PTPRD: variants seen among roughly 807,000 people sequenced by gnomAD.
PTPRD encodes the protein protein tyrosine phosphatase receptor type D.
A neutral mutation model predicts 214.5 loss-of-function variants in PTPRD; 34 were observed. That is an observed-to-expected ratio of 0.16 (90% CI 0.12 to 0.21). The LOEUF (loss-of-function observed/expected upper bound fraction) is 0.21, where lower values mean the gene tolerates loss of function less well. Ranked by LOEUF, PTPRD falls within the 10% of genes least tolerant of loss-of-function variation. PTPRD has a pLI of 1.00. For synonymous variants in PTPRD, 1,128 were observed against 845.7 expected (o/e 1.33, Z -5.79); for missense variants, 2,545 against 2,398.7 (o/e 1.06, Z -1.27).
chr9:9,299,061 G>A (rs1367663734), intron 9 of PTPRD, among the ~76,000 whole-genome samples: 1 of 151,652 alleles, frequency 6.6e-6, no homozygotes, highest in Non-Finnish European at 1.5e-5. Flanking sequence ...TTATAATGTA[G>A]ATCCTGACTA....
chr9:10,303,427 A>T lies in PTPRD; in HGVS notation c.-545+37536T>A, dbSNP rs549197297. ...ACTAAGATCAGAGCAGAACTGAAGG[A>T]GATAGAAACACAAAAAAAAACCTTC... On this transcript the variant is annotated intron_variant, in intron 3 of 45. Coordinates refer to ENST00000381196, the MANE Select transcript of PTPRD (RefSeq NM_002839.4). Among the ~76,000 whole-genome samples, 5 of 144,006 alleles carry T rather than the reference A, an allele frequency of 3.5e-5. No homozygotes were observed. The South Asian group carries it at 1.1e-3, about 33-fold the overall frequency. The allele number at this position is 144,006 out of a possible 152,430, so 94.5% of individuals were successfully genotyped here.
chr9:9,107,084 A>G (rs1025509794), intron 10 of PTPRD, among the ~76,000 whole-genome samples: 5 of 152,156 alleles, frequency 3.3e-5, no homozygotes, highest in African/African-American at 1.2e-4. Flanking sequence ...GGATTAGCAT[A>G]ACAGATATAT....
chr9:8,430,126 C>T (rs2094943573), intron 35 of PTPRD, among the ~76,000 whole-genome samples: 1 of 152,082 alleles, frequency 6.6e-6, no homozygotes, highest in Non-Finnish European at 1.5e-5. Flanking sequence ...TAGAATGTAC[C>T]TGAAGTAGAG....
At chr9:9,429,545 A>G (rs1475261085) in intron 8 of PTPRD, among the ~76,000 whole-genome samples, 1 of 152,178 alleles carries the variant, frequency 6.6e-6, no homozygotes, top group Non-Finnish European at 1.5e-5. Flanking sequence ...TCCCTTACTC[A>G]TTTTATGAGG....
chr9:9,714,262 G>A (rs2097781850), intron 7 of PTPRD, among the ~76,000 whole-genome samples: 1 of 152,070 alleles, frequency 6.6e-6, no homozygotes, highest in African/African-American at 2.4e-5. Context: ...TCAGAGAAGG[G>A]TCATTAGGTT....
intron 9 of PTPRD, among the ~76,000 whole-genome samples, chr9:9,234,325 C>G (rs896708478): frequency 1.3e-5 from 2 of 152,160 alleles, no homozygotes; most frequent in African/African-American, 4.8e-5. Flanking sequence ...GCACCATGTC[C>G]TGAGGATGCA....
At position 8,499,811 on chromosome 9, in the gene PTPRD, C is replaced by T. The variant is rs372425454; in HGVS notation, c.2158G>A (p.Val720Ile). Reference sequence around the variant, plus strand: ...ACAGATGTTGAGTTGACAGCCTCTACCTCGACTTTGCGAGGAGGACCACTA... The same window carrying T: ...ACAGATGTTGAGTTGACAGCCTCTATCTCGACTTTGCGAGGAGGACCACTA... ...VPSGPPRKVE[V>I]EAVNSTSVKV... The change falls in exon 25 of 46, where the codon GTA becomes ATA. Residue 720 changes from valine to isoleucine, a missense_variant. Val to Ile is a conservative substitution (Grantham distance 29). Transcript: ENST00000381196. 46 of 1,612,640 alleles carry T rather than the reference C, an allele frequency of 2.9e-5. No homozygotes were observed. The Middle Eastern group carries it at 6.6e-4, about 23-fold the overall frequency.
rs74716133 is a variant in PTPRD at position 10,265,694 on chromosome 9, C to A, written c.-545+75269G>T. 3.5e-4 allele frequency among the ~76,000 whole-genome samples: 54 copies of A among 152,196 alleles called. 1 individual carries two copies. The East Asian group carries it at 0.01, about 29-fold the overall frequency. On this transcript the variant is annotated intron_variant, in intron 3 of 45. Coordinates refer to ENST00000381196, the MANE Select transcript of PTPRD (RefSeq NM_002839.4). The stretch of plus-strand genomic sequence containing the variant: ...ATAAAATGTCATTTACAAAAACAGG[C>A]AGCAAAAATAAATAAGGAAACAAAT...
chr9:9,013,727 G>C (rs1242824441), intron 11 of PTPRD, among the ~76,000 whole-genome samples: 5 of 152,118 alleles, frequency 3.3e-5, no homozygotes, highest in African/African-American at 1.2e-4. Context: ...TCAAAACTCA[G>C]GAAATGCTTA....
chr9:10,164,807 T>G (rs2382195), intron 3 of PTPRD, among the ~76,000 whole-genome samples: 21,768 of 151,286 alleles, frequency 0.14, 1,983 homozygotes, highest in Middle Eastern at 0.27. Flanking sequence ...TCCTGAAGGT[T>G]TAAAGGTTTT....
chr9:8,466,235 C>G (rs941116323), intron 31 of PTPRD, among the ~76,000 whole-genome samples: 6 of 151,876 alleles, frequency 4.0e-5, no homozygotes, highest in African/African-American at 1.4e-4. Flanking sequence ...CATTGTTACT[C>G]ATTTACCAAT....
At chr9:10,017,453 C>G (rs961668025) in intron 4 of PTPRD, among the ~76,000 whole-genome samples, 8 of 151,900 alleles carry the variant, frequency 5.3e-5, no homozygotes, top group African/African-American at 1.9e-4. Context: ...ATGTATTAAT[C>G]TTTTCCTTCA....
At chr9:9,461,870 G>C (rs2093689786) in intron 8 of PTPRD, among the ~76,000 whole-genome samples, 1 of 152,092 alleles carries the variant, frequency 6.6e-6, no homozygotes, top group African/African-American at 2.4e-5. Flanking sequence ...GATGACTTCT[G>C]ATCCTTCAGG....
intron 2 of PTPRD, among the ~76,000 whole-genome samples, chr9:10,466,416 G>C (rs1427049346): frequency 6.6e-6 from 1 of 151,904 alleles, no homozygotes; most frequent in Non-Finnish European, 1.5e-5. Context: ...CTGAAGTCGG[G>C]AGTTCGAGAC....
At chr9:10,556,504 C>T (rs2062635654) in intron 2 of PTPRD, among the ~76,000 whole-genome samples, 2 of 151,980 alleles carry the variant, frequency 1.3e-5, no homozygotes, top group Non-Finnish European at 1.5e-5. Flanking sequence ...GTAGAAAATA[C>T]TGAGAGTCAC....
chr9:9,179,027 T>A (rs2099926580), intron 10 of PTPRD, among the ~76,000 whole-genome samples: 1 of 152,114 alleles, frequency 6.6e-6, no homozygotes, highest in Non-Finnish European at 1.5e-5. Flanking sequence ...ACAGGCTCAC[T>A]TAATGGTATG....
At position 9,753,527 on chromosome 9, in the gene PTPRD, T is replaced by A. The variant is rs140185451; in HGVS notation, c.-326+13283A>T. Among the ~76,000 whole-genome samples, 654 of 152,164 alleles carry A rather than the reference T, an allele frequency of 4.3e-3. 5 individuals are homozygous for A. The highest frequency in any genetic ancestry group is 0.015 in the African/African-American group (616 of 41,542). On this transcript the variant is annotated intron_variant, in intron 6 of 45. Transcript: ENST00000381196. ...TTTTACCATTTAAAAACACTAGCTC[T>A]CTTGTGTGTTTGCTTGTTATACATT...
At chr9:10,049,146 G>A (rs536535085) in intron 3 of PTPRD, among the ~76,000 whole-genome samples, 36 of 152,262 alleles carry the variant, frequency 2.4e-4, no homozygotes, top group African/African-American at 8.7e-4. Context: ...AGCTAGAGCA[G>A]ACACTGATAC....
At chr9:9,392,818 TTTC>T (rs2066349263) in intron 9 of PTPRD, among the ~76,000 whole-genome samples, 1 of 152,142 alleles carries the variant, frequency 6.6e-6, no homozygotes, top group Non-Finnish European at 1.5e-5. Context: ...CAGTCTTCAC[TTTC>T]AATCTCCTCA....
Sources: gnomAD v4.1 joint callset for allele counts (sites outside exome capture counted in the v4.1 genomes callset) on GRCh38, gnomAD v4.1.1 for gene constraint, MANE v1.5 for transcripts, NCBI Gene and HGNC (gene_info 2026-07-23, HGNC 2026-07-21) for gene names.